The following ARSG variants were observed in gnomAD, a reference collection of about 807,000 sequenced individuals.
The protein encoded by ARSG is arylsulfatase G.
Under a neutral mutation model 50.5 loss-of-function variants are expected in ARSG, and 37 were observed. The observed-to-expected ratio is 0.73, with a 90% CI of 0.56 to 0.96. The LOEUF (loss-of-function observed/expected upper bound fraction) is 0.96, where lower values mean the gene tolerates loss of function less well. Ranked by LOEUF, ARSG falls within the 50% of genes least tolerant of loss-of-function variation. The pLI is 0.00. For missense variants in ARSG, 629 were observed against 675.3 expected (o/e 0.93, Z 0.76); for synonymous variants, 225 against 254.6 (o/e 0.88, Z 1.11).
At chr17:68,342,728 T>TAGGCA (rs1456552468) in intron 2 of ARSG, among the ~76,000 whole-genome samples, 2 of 152,148 alleles carry the variant, frequency 1.3e-5, no homozygotes, top group African/African-American at 4.8e-5. Flanking sequence ...ACACAGCACT[T>TAGGCA]AGGCACTACA....
chr17:68,418,849 A>G (rs1298167967), intron 11 of ARSG, among the ~76,000 whole-genome samples: 1 of 152,166 alleles, frequency 6.6e-6, no homozygotes, highest in Non-Finnish European at 1.5e-5. Context: ...AGCAACTGAT[A>G]AGTTTCTATC....
rs1385453600 is a variant in ARSG, at chr17:68,378,583, G to C, written c.983-6481G>C. On this transcript the variant is annotated intron_variant, in intron 8 of 11. Coordinates refer to ENST00000621439, the MANE Select transcript of ARSG (RefSeq NM_001267727.2). This position sits in a 1 kb window ranked among gnomAD's most constrained non-coding sequence, Gnocchi z 4.4. ...TCCCGAAGAAGAAGGGCACGAGTCA[G>C]ACACCCCTGCTGTCTCTGAGTCCAC... Among the ~76,000 whole-genome samples the C allele has an allele frequency of 6.6e-6, 1 of 152,190 alleles. No homozygotes were observed. Among genetic ancestry groups the C allele is most frequent in the Non-Finnish European group, 1.5e-5 (1 of 68,038 alleles).
At chr17:68,298,960 A>G (rs1002176010) in intron 1 of ARSG, among the ~76,000 whole-genome samples, 1 of 152,158 alleles carries the variant, frequency 6.6e-6, no homozygotes, top group Non-Finnish European at 1.5e-5. Flanking sequence ...AGTTTATAAA[A>G]ACATATTTCA....
rs528726830 is a variant in ARSG at position 68,300,143 on chromosome 17, G to A, written c.-551-6800G>A. Reference sequence around the variant, plus strand: ...TGTTGTTGCAGAGAGATGGGGTCTCGCTTTGTTGCCAAGGCTGGCCTCTAA... The same window carrying A: ...TGTTGTTGCAGAGAGATGGGGTCTCACTTTGTTGCCAAGGCTGGCCTCTAA... On this transcript the variant is annotated intron_variant, in intron 1 of 11. Transcript: ENST00000621439. 2.0e-5 allele frequency among the ~76,000 whole-genome samples: 3 copies of A among 152,104 alleles called. No individual in the cohort carries two copies. The East Asian group carries it at 5.8e-4, about 29-fold the overall frequency.
downstream of ARSG, chr17:68,427,160 A>G (rs892161360): frequency 7.4e-6 from 12 of 1,614,036 alleles, no homozygotes; most frequent in Admixed American, 3.3e-5. Flanking sequence ...CTGAAGATGC[A>G]CTTGGTCTGG....
intron 7 of ARSG, 72 bp from the exon 8 acceptor site, chr17:68,370,372 G>C: frequency 7.2e-7 from 1 of 1,387,548 alleles, no homozygotes; most frequent in South Asian, 1.2e-5. Context: ...AAGGGATATA[G>C]GGCCAGAGTG....
the ARSG span, among the ~76,000 whole-genome samples, chr17:68,444,067 T>G: frequency 6.6e-6 from 1 of 152,240 alleles, no homozygotes; most frequent in Non-Finnish European, 1.5e-5. Context: ...ATATTCTTTA[T>G]GGTTCAGATT....
exon 1 of ARSG, chr17:68,259,197 G>A (rs375771590): frequency 5.0e-4 from 76 of 152,334 alleles, no homozygotes; most frequent in Admixed American, 1.8e-3. Flanking sequence ...CGCCCAGGCC[G>A]GCGGGCCCAG....
chr17:68,266,476 CT>C (rs113055013), intron 1 of ARSG, among the ~76,000 whole-genome samples: 18,922 of 94,244 alleles, frequency 0.2, 1,642 homozygotes, highest in Admixed American at 0.26. Context: ...TATATATATA[CT>C]TTTTTTTTGT....
rs2078824519 is a variant in ARSG at position 68,352,164 on chromosome 17, A to AG, written c.566+479dup. On this transcript the variant is annotated intron_variant, in intron 5 of 11. Transcript: ENST00000621439. ...AGAGGAGAGAGAGAGAGAGAGAGAC[A>AG]GAGAGAGAGAGAGAGAGAGACAGAG... Among the ~76,000 whole-genome samples, 22 of 48,812 alleles carry AG rather than the reference A, an allele frequency of 4.5e-4. 1 individual carries two copies. Among genetic ancestry groups the AG allele is most frequent in the Admixed American group, 4.2e-3 (22 of 5,274 alleles). The allele number at this position is 48,812 out of a possible 152,430, so 32.0% of individuals were successfully genotyped here.
chr17:68,357,282 C>T (rs1012425478), intron 6 of ARSG, among the ~76,000 whole-genome samples: 3 of 152,248 alleles, frequency 2.0e-5, no homozygotes, highest in African/African-American at 7.2e-5. Context: ...TGAAATGAGT[C>T]TTAGGGGGCT....
chr17:68,324,824 C>T (rs2145909140), intron 2 of ARSG, among the ~76,000 whole-genome samples: 1 of 152,252 alleles, frequency 6.6e-6, no homozygotes, highest in East Asian at 1.9e-4. Flanking sequence ...AACGCTAATG[C>T]CTATTTATAC....
At chr17:68,310,113 A>G (rs1178910197) in intron 2 of ARSG, among the ~76,000 whole-genome samples, 2 of 151,756 alleles carry the variant, frequency 1.3e-5, no homozygotes, top group African/African-American at 4.8e-5. Flanking sequence ...AGCTGGGATT[A>G]CAGGTGTGTG....
chr17:68,428,996 C>T, the ARSG span: 1 of 1,333,136 alleles, frequency 7.5e-7, no homozygotes, highest in Non-Finnish European at 1.1e-6. Flanking sequence ...GGATTCGCTT[C>T]CAATGACAAA....
intron 4 of ARSG, among the ~76,000 whole-genome samples, chr17:68,347,767 A>G (rs772914194): frequency 2.1e-4 from 32 of 152,152 alleles, no homozygotes; most frequent in Admixed American, 4.6e-4. Flanking sequence ...TCCATTTCCT[A>G]TAGGAAGCCG....
At chr17:68,278,164 T>C (rs1599529773) in intron 1 of ARSG, 2 of 1,614,036 alleles carry the variant, frequency 1.2e-6, no homozygotes, top group African/African-American at 1.3e-5. Flanking sequence ...AAACTGTCCA[T>C]TAAGTCATTA....
At chr17:68,408,142 A>G (rs1412681821) in intron 11 of ARSG, among the ~76,000 whole-genome samples, 1 of 151,628 alleles carries the variant, frequency 6.6e-6, no homozygotes, top group Non-Finnish European at 1.5e-5. Context: ...TTATTATTAT[A>G]CTTTAAGTTT....
At chr17:68,356,561 C>T in intron 5 of ARSG, 106 bp from the exon 6 acceptor site, 1 of 1,324,642 alleles carries the variant, frequency 7.5e-7, no homozygotes, top group South Asian at 1.4e-5. Context: ...CATTTGGGGC[C>T]AGAGTGTTGT....
intron 8 of ARSG, among the ~76,000 whole-genome samples, chr17:68,377,660 G>A (rs927056905): frequency 9.2e-5 from 14 of 152,168 alleles, no homozygotes; most frequent in African/African-American, 3.1e-4. Context: ...ACAACCTGGC[G>A]GAACCCCACC....
Sources: gnomAD v4.1 joint callset for allele counts (sites outside exome capture counted in the v4.1 genomes callset) on GRCh38, gnomAD v4.1.1 for gene constraint, Gnocchi (gnomAD v3.1) non-coding constraint, MANE v1.5 for transcripts, NCBI Gene and HGNC (gene_info 2026-07-23, HGNC 2026-07-21) for gene names.